Variants in NLGN3 observed in about 807,000 individuals in gnomAD.
NLGN3 encodes the protein neuroligin-3.
A neutral mutation model predicts 42.9 loss-of-function variants in NLGN3; 11 were observed. That is an observed-to-expected ratio of 0.26 (90% CI 0.16 to 0.42). NLGN3 has a LOEUF of 0.42. Among genes scored for constraint, NLGN3 ranks in the 10% least tolerant of loss-of-function variants. The pLI, the probability that NLGN3 is intolerant of heterozygous loss-of-function variation, is 1.00. For synonymous variants in NLGN3, 279 were observed against 312.7 expected (o/e 0.89, Z 1.14); for missense variants, 374 against 733.8 (o/e 0.51, Z 5.67).
Position 71,153,553 on chromosome X carries a change from G to A in NLGN3, c.577+17G>A. On this transcript the variant is annotated intron_variant, in intron 4 of 7. Transcript: ENST00000358741. ...AAGATGAAGGTATTTGGGGGCTGCA[G>A]GGCGCGGCGGCTGGTGCATGGCACA... The A allele has an allele frequency of 1.7e-6, 2 of 1,192,348 alleles. No individual in the cohort carries two copies. The highest frequency in any genetic ancestry group is 2.3e-6 in the Non-Finnish European group (2 of 881,088).
chrX:71,156,963 G>A (rs2092411494), intron 5 of NLGN3, among the ~76,000 whole-genome samples: 2 of 111,133 alleles, frequency 1.8e-5, no homozygotes, highest in Non-Finnish European at 3.8e-5. Flanking sequence ...AGGTAAACGA[G>A]TGCCTCAGAG....
chrX:71,164,309 G>C lies in NLGN3; in HGVS notation c.894G>C (p.Thr298=), dbSNP rs769642654. The C allele has an allele frequency of 8.3e-7, 1 of 1,211,886 alleles. No individual in the cohort carries two copies. Among genetic ancestry groups the C allele is most frequent in the Admixed American group, 2.2e-5 (1 of 46,167 alleles). Residue 298 remains threonine, a synonymous_variant, in exon 6 of 8, where the codon ACG becomes ACC. Coordinates refer to ENST00000358741, the MANE Select transcript of NLGN3 (RefSeq NM_181303.2). ...GTGCATCCTGCGTCAGCCTCCTCAC[G>C]TTGTCACATCACTCAGAGGGTGAGT... ...GIGASCVSLL[T]LSHHSEGLFQ...
rs778956220 is a variant in NLGN3, at chrX:71,167,190, A to G, written c.1093A>G (p.Ile365Val). The change falls in exon 7 of 8, where the codon ATC becomes GTC. Residue 365 changes from isoleucine (I) to valine (V), a missense_variant. Physicochemically the swap from Ile to Val is conservative, Grantham distance 29. Around this residue, in one of 6 missense-constraint regions of NLGN3, gnomAD observed 142 missense variants for 359.1 expected, o/e 0.40. Transcript: ENST00000358741. ...KSAKELVEQD[I>V]QPARYHVAFG... ...TGCCAAGGAGCTGGTAGAGCAGGAC[A>G]TCCAGCCAGCCCGCTACCACGTGGC... is the stretch of plus-strand genomic sequence containing the variant. 3 of 1,210,106 alleles carry G rather than the reference A, an allele frequency of 2.5e-6. No homozygotes were observed. In the East Asian group the frequency reaches 8.9e-5, roughly 36 times the overall value.
chrX:71,148,108 C>T lies in NLGN3; in HGVS notation c.359C>T (p.Pro120Leu). The T allele has an allele frequency of 8.3e-7, 1 of 1,210,618 alleles. No individual in the cohort carries two copies. Among genetic ancestry groups the T allele is most frequent in the Non-Finnish European group, 1.1e-6 (1 of 894,826 alleles). Residue 120 changes from proline (P) to leucine (L), a missense_variant, in exon 2 of 8, where the codon CCG (proline) becomes CTG (leucine). Coordinates refer to ENST00000358741, the MANE Select transcript of NLGN3 (RefSeq NM_181303.2). Reference sequence around the variant, plus strand: ...ACAGCTGTGCCCGAAGTCATGCTGCCGGTCTGGTTCACTGCCAACTTGGAT... The same window carrying T: ...ACAGCTGTGCCCGAAGTCATGCTGCTGGTCTGGTTCACTGCCAACTTGGAT... ...IHTAVPEVMLPVWFTANLDIV... is the reference protein window; with the variant it reads ...IHTAVPEVMLLVWFTANLDIV...
Position 71,169,940 on chromosome X carries a change from G to A in NLGN3, c.2390G>A (p.Arg797Gln), listed in dbSNP as rs139671086. The A allele has an allele frequency of 2.0e-5, 24 of 1,201,513 alleles. No homozygotes were observed. Among genetic ancestry groups the A allele is most frequent in the Admixed American group, 1.6e-4 (7 of 44,849 alleles). Residue 797 changes from arginine (R) to glutamine (Q), a missense_variant, in exon 8 of 8, where the codon CGG (arginine) becomes CAG (glutamine). Coordinates refer to ENST00000358741, the MANE Select transcript of NLGN3 (RefSeq NM_181303.2). Reference sequence around the variant, plus strand: ...TTGCCCGACTACACCCTGACCCTGCGGCGCTCCCCGGATGACATCCCACTC... The same window carrying A: ...TTGCCCGACTACACCCTGACCCTGCAGCGCTCCCCGGATGACATCCCACTC... Reference protein sequence around the residue: ...TALPDYTLTLRRSPDDIPLMT... With the variant: ...TALPDYTLTLQRSPDDIPLMT...
intron 5 of NLGN3, among the ~76,000 whole-genome samples, chrX:71,159,641 C>T (rs773742990): frequency 9.0e-6 from 1 of 111,295 alleles, no homozygotes; most frequent in Non-Finnish European, 1.9e-5. Flanking sequence ...TATTGGATGC[C>T]GGGTACATAT....
chrX:71,148,697 T>C, intron 2 of NLGN3, 149 bp from the exon 3 acceptor site: 1 of 467,244 alleles, frequency 2.1e-6, no homozygotes. Flanking sequence ...CACACTAAGG[T>C]AAGTGACAGA....
intron 5 of NLGN3, among the ~76,000 whole-genome samples, chrX:71,157,321 T>TATTA (rs2092413303): frequency 9.3e-6 from 1 of 107,777 alleles, no homozygotes; most frequent in Non-Finnish European, 1.9e-5. Context: ...TTTATTTATT[T>TATTA]ATTATTTTTA....
In NLGN3 at chrX:71,155,229, G is replaced by C; in HGVS notation, c.593G>C (p.Gly198Ala). ...GDEDEDIRDS[G>A]AKPVMVYIHG... ...CTCCTTGCAGACATCCGGGACAGTG[G>C]TGCTAAACCCGTCATGGTCTACATC... The change falls in exon 5 of 8, where the codon GGT becomes GCT. Residue 198 changes from glycine (G) to alanine (A), a missense_variant. This residue lies in a region of NLGN3 where 109 missense variants were observed against 173.3 expected (regional missense o/e 0.63). Coordinates refer to ENST00000358741, the MANE Select transcript of NLGN3 (RefSeq NM_181303.2). The C allele has an allele frequency of 1.7e-6, 2 of 1,212,038 alleles. No individual in the cohort carries two copies. Among genetic ancestry groups the C allele is most frequent in the South Asian group, 1.8e-5 (1 of 56,996 alleles).
At chrX:71,172,643 T>C (rs1008191742), downstream of NLGN3, among the ~76,000 whole-genome samples, 4 of 109,724 alleles carry the variant, frequency 3.6e-5, no homozygotes, top group Non-Finnish European at 5.7e-5. Context: ...TGTGTGTGTG[T>C]GTGTGTGTGT....
At chrX:71,166,247 G>A (rs751234309) in intron 6 of NLGN3, among the ~76,000 whole-genome samples, 1 of 110,349 alleles carries the variant, frequency 9.1e-6, no homozygotes, top group African/African-American at 3.3e-5. Context: ...ACCTGAAGTC[G>A]GAAGTTCAAG....
chrX:71,158,062 TTTAA>T (rs576978048), intron 5 of NLGN3, among the ~76,000 whole-genome samples: 2,389 of 108,415 alleles, frequency 0.022, 37 homozygotes, highest in Middle Eastern at 0.038. Flanking sequence ...ACTTTCTTTT[TTTAA>T]TTAATTAATT....
chrX:71,166,424 C>T lies in NLGN3; in HGVS notation c.914-587C>T, dbSNP rs747732892. Among the ~76,000 whole-genome samples the T allele has an allele frequency of 3.5e-4, 37 of 107,103 alleles. 1 individual carries two copies. The South Asian group carries it at 0.011, about 32-fold the overall frequency. 93.0% of individuals were successfully genotyped at this position (107,103 alleles called of 115,157 possible). A position where few individuals can be genotyped will look rare whatever the true frequency, so the allele number is the denominator to read the frequency against. The stretch of plus-strand genomic sequence containing the variant: ...TTAGCCGAGATCCCACCATTGCACT[C>T]CAGCCTGGGCAACAAGAGCAAAACT... On this transcript the variant is annotated intron_variant, in intron 6 of 7. Transcript: ENST00000358741.
chrX:71,161,240 T>G (rs1318407251), intron 5 of NLGN3, among the ~76,000 whole-genome samples: 2 of 107,013 alleles, frequency 1.9e-5, no homozygotes, highest in African/African-American at 6.8e-5. Context: ...TCAGCCTCCC[T>G]AGTAGCTGGG....
intron 3 of NLGN3, 165 bp from the exon 4 acceptor site, chrX:71,153,312 C>T: frequency 1.8e-6 from 1 of 542,496 alleles, no homozygotes; most frequent in Non-Finnish European, 3.3e-6. Flanking sequence ...AAGGTCTGGG[C>T]CTCAGCCCAC....
At chrX:71,157,287 C>CTTA (rs770967295) in intron 5 of NLGN3, among the ~76,000 whole-genome samples, 91 of 99,896 alleles carry the variant, frequency 9.1e-4, no homozygotes, top group African/African-American at 3.2e-3. Context: ...TTTTAATTTG[C>CTTA]TTATTTATTT....
downstream of NLGN3, among the ~76,000 whole-genome samples, chrX:71,171,434 G>A (rs866299265): frequency 4.5e-5 from 5 of 109,936 alleles, no homozygotes; most frequent in South Asian, 3.9e-4. Context: ...TGCCCCCAGC[G>A]CGCTGGGTTC....
chrX:71,145,113 G>C (rs187697102), intron 1 of NLGN3, 149 bp downstream of exon 1: 1,969 of 47,639 alleles, frequency 0.041, 31 homozygotes, highest in Non-Finnish European at 0.06. Context: ...CCTGACCCCC[G>C]ATCCTCCCCC....
chrX:71,167,933 A>G (rs1197115064), intron 7 of NLGN3, 133 bp downstream of exon 7: 2 of 562,751 alleles, frequency 3.6e-6, no homozygotes, highest in Non-Finnish European at 6.0e-6. Context: ...CCCTTCACTC[A>G]TCTTCCTATC....
Sources: allele counts gnomAD v4.1 joint callset (sites outside exome capture counted in the v4.1 genomes callset), GRCh38; gene constraint gnomAD v4.1.1; regional missense constraint gnomAD v4.1.1; transcripts MANE v1.5; gene names NCBI Gene and HGNC (gene_info 2026-07-23, HGNC 2026-07-21).